Variants in WHRN observed in about 807,000 individuals in gnomAD.
WHRN encodes the protein CASK-interacting protein CIP98.
In WHRN, 41 loss-of-function variants were observed where a neutral mutation model predicts 68.3. That is an observed-to-expected ratio of 0.60 (90% CI 0.47 to 0.78). WHRN has a LOEUF of 0.78. Among genes scored for constraint, WHRN ranks in the 30% least tolerant of loss-of-function variants. The pLI, the probability that WHRN is intolerant of heterozygous loss-of-function variation, is 0.00. For missense variants in WHRN, 1,243 were observed against 1,244.7 expected (o/e 1.00, Z 0.02); for synonymous variants, 560 against 561.3 (o/e 1.00, Z 0.03).
intron 7 of WHRN, among the ~76,000 whole-genome samples, chr9:114,408,226 T>C (rs544584059): frequency 1.4e-4 from 21 of 152,304 alleles, no homozygotes; most frequent in African/African-American, 4.6e-4. Context: ...TAAGTTTTCT[T>C]TGGGACTTTC....
intron 3 of WHRN, among the ~76,000 whole-genome samples, chr9:114,465,106 C>T (rs1376201003): frequency 6.6e-6 from 1 of 152,194 alleles, no homozygotes; most frequent in African/African-American, 2.4e-5. Context: ...AAAACTGGGA[C>T]TTGAACCTAG....
intron 3 of WHRN, among the ~76,000 whole-genome samples, chr9:114,431,555 G>A (rs141797463): frequency 5.9e-5 from 9 of 152,248 alleles, no homozygotes; most frequent in Middle Eastern, 3.4e-3. Flanking sequence ...GGGGGGACCC[G>A]GCCTTCCTCC....
intron 3 of WHRN, among the ~76,000 whole-genome samples, chr9:114,447,681 T>C (rs1219428510): frequency 6.6e-6 from 1 of 152,180 alleles, no homozygotes; most frequent in Non-Finnish European, 1.5e-5. Flanking sequence ...GATGGGACCC[T>C]TAAAAGGTGA....
chr9:114,504,902 A>G lies in WHRN; in HGVS notation c.-101T>C. On this transcript the variant is annotated 5_prime_UTR_variant, in exon 1 of 12. Coordinates refer to ENST00000362057, the MANE Select transcript of WHRN (RefSeq NM_015404.4). ...GACAGCTGGATCCCCGGGAGCGCGGAGACGACGGCTGGAGCCTGGGTTTGG... is the reference window on the plus strand; with the variant it reads ...GACAGCTGGATCCCCGGGAGCGCGGGGACGACGGCTGGAGCCTGGGTTTGG... The G allele has an allele frequency of 7.6e-7, 1 of 1,321,456 alleles. No individual in the cohort carries two copies. Among genetic ancestry groups the G allele is most frequent in the Non-Finnish European group, 9.6e-7 (1 of 1,042,776 alleles). The allele number at this position is 1,321,456 out of a possible 1,614,324, so 81.9% of individuals were successfully genotyped here.
rs550259820 is a variant in WHRN, at chr9:114,433,039, C to T, written c.964-6626G>A. Reference sequence around the variant, plus strand: ...AATCCCATTTTACAGATGAGGAAGCCGAGGACGGGAAGTAGAGTCATTAAG... The same window carrying T: ...AATCCCATTTTACAGATGAGGAAGCTGAGGACGGGAAGTAGAGTCATTAAG... On this transcript the variant is annotated intron_variant, in intron 3 of 11. Transcript: ENST00000362057. Among the ~76,000 whole-genome samples, 7 of 152,252 alleles carry T rather than the reference C, an allele frequency of 4.6e-5. No individual in the cohort carries two copies. The East Asian group carries it at 1.2e-3, about 25-fold the overall frequency.
chr9:114,498,762 T>A (rs1589276419), intron 1 of WHRN, among the ~76,000 whole-genome samples: 1 of 151,950 alleles, frequency 6.6e-6, no homozygotes, highest in African/African-American at 2.4e-5. Flanking sequence ...TGGGCTGGGG[T>A]CCAAGCAAGG....
chr9:114,503,024 C>T, intron 1 of WHRN: 1 of 649,648 alleles, frequency 1.5e-6, no homozygotes, highest in Non-Finnish European at 1.9e-6. Context: ...TCAAGGGCTT[C>T]CTCCAAAGGG....
chr9:114,435,004 C>T (rs1025216006), intron 3 of WHRN, among the ~76,000 whole-genome samples: 1 of 152,178 alleles, frequency 6.6e-6, no homozygotes, highest in Non-Finnish European at 1.5e-5. Flanking sequence ...ACCATTGTTC[C>T]TCTGCCCAAA....
chr9:114,413,705 C>T (rs1360154175), intron 7 of WHRN, among the ~76,000 whole-genome samples: 1 of 152,304 alleles, frequency 6.6e-6, no homozygotes, highest in African/African-American at 2.4e-5. Context: ...CAAGAACAAC[C>T]TCAACACTGG....
intron 1 of WHRN, among the ~76,000 whole-genome samples, chr9:114,494,030 CCT>C (rs1197156876): frequency 1.3e-5 from 2 of 152,022 alleles, no homozygotes; most frequent in African/African-American, 4.8e-5. Flanking sequence ...TCCCACCACC[CCT>C]GACTGTGTGC....
intron 3 of WHRN, among the ~76,000 whole-genome samples, chr9:114,447,600 G>A (rs972248333): frequency 6.6e-6 from 1 of 152,092 alleles, no homozygotes; most frequent in African/African-American, 2.4e-5. Flanking sequence ...AAGACCCCAT[G>A]TGTTGTCCAT....
intron 3 of WHRN, among the ~76,000 whole-genome samples, chr9:114,435,561 A>G (rs948500062): frequency 2.6e-5 from 4 of 152,198 alleles, no homozygotes; most frequent in Admixed American, 1.3e-4. Context: ...TGTACATTTA[A>G]TCCAGCCCCT....
chr9:114,472,118 G>A (rs771533590), intron 2 of WHRN, among the ~76,000 whole-genome samples: 9 of 152,168 alleles, frequency 5.9e-5, no homozygotes, highest in African/African-American at 9.7e-5. Context: ...AACTGATAGC[G>A]CCATCCAGGG....
At chr9:114,445,800 T>C (rs964255877) in intron 3 of WHRN, among the ~76,000 whole-genome samples, 1 of 152,216 alleles carries the variant, frequency 6.6e-6, no homozygotes, top group African/African-American at 2.4e-5. Context: ...ATAGATAGGC[T>C]TGGAGGCGTT....
In WHRN at chr9:114,424,563, T is replaced by G; in HGVS notation, c.1204-17A>C. On this transcript the variant is annotated splice_polypyrimidine_tract_variant and intron_variant, in intron 5 of 11. Coordinates refer to ENST00000362057, the MANE Select transcript of WHRN (RefSeq NM_015404.4). ...AAATCCTGGCTGCAAGACAGAAAGA[T>G]AGAAGCCCAGGAATTCTTAGCTGCT... 6.3e-7 allele frequency: 1 copy of G among 1,597,648 alleles called. No individual in the cohort carries two copies.
chr9:114,458,203 C>T (rs1340570392), intron 3 of WHRN, among the ~76,000 whole-genome samples: 1 of 152,168 alleles, frequency 6.6e-6, no homozygotes, highest in Non-Finnish European at 1.5e-5. Flanking sequence ...CTCTTTTGGT[C>T]TGACCTACTG....
At chr9:114,424,908 T>C in intron 5 of WHRN, 80 bp downstream of exon 5, 1 of 1,488,118 alleles carries the variant, frequency 6.7e-7, no homozygotes, top group Non-Finnish European at 9.4e-7. Context: ...TGTAAGTCAC[T>C]CGGCACCCTC....
chr9:114,460,815 C>G (rs1156358860), intron 3 of WHRN, among the ~76,000 whole-genome samples: 1 of 152,248 alleles, frequency 6.6e-6, no homozygotes, highest in Non-Finnish European at 1.5e-5. Context: ...AAGCTCTGCA[C>G]AGCAGCAAGG....
chr9:114,485,379 G>A (rs1842398087), intron 1 of WHRN, among the ~76,000 whole-genome samples: 1 of 152,228 alleles, frequency 6.6e-6, no homozygotes, highest in South Asian at 2.1e-4. Flanking sequence ...AACTCTCTGT[G>A]CCTGTTTCTA....
Sources: gnomAD v4.1 joint callset for allele counts (sites outside exome capture counted in the v4.1 genomes callset) on GRCh38, gnomAD v4.1.1 for gene constraint, MANE v1.5 for transcripts, NCBI Gene and HGNC (gene_info 2026-07-23, HGNC 2026-07-21) for gene names.